MARCHF1: variants seen among roughly 807,000 people sequenced by gnomAD.
MARCHF1 encodes the protein membrane associated ring-CH-type finger 1.
A neutral mutation model predicts 54.2 loss-of-function variants in MARCHF1; 40 were observed. The ratio of observed to expected loss-of-function variants is 0.74; its 90% confidence interval spans 0.57 to 0.96. MARCHF1 has a LOEUF of 0.96. Among genes scored for constraint, MARCHF1 ranks in the 40% least tolerant of loss-of-function variants. The pLI is 0.00. For synonymous variants in MARCHF1, 236 were observed against 236.3 expected (o/e 1.00, Z 0.01); for missense variants, 586 against 656.5 (o/e 0.89, Z 1.17).
intron 1 of MARCHF1, among the ~76,000 whole-genome samples, chr4:164,133,047 T>A (rs1422753519): frequency 6.6e-6 from 1 of 152,192 alleles, no homozygotes; most frequent in Non-Finnish European, 1.5e-5. Context: ...ACACAATTTG[T>A]ACTATAGTTG....
chr4:164,292,586 C>T (rs1000478473), intron 1 of MARCHF1, among the ~76,000 whole-genome samples: 1 of 152,074 alleles, frequency 6.6e-6, no homozygotes, highest in Non-Finnish European at 1.5e-5. Flanking sequence ...ACTGTCATGC[C>T]ACAAGGATTA....
At chr4:163,532,085 T>G (rs1480830940) in intron 9 of MARCHF1, among the ~76,000 whole-genome samples, 1 of 151,890 alleles carries the variant, frequency 6.6e-6, no homozygotes, top group Non-Finnish European at 1.5e-5. Context: ...TTTATGGATA[T>G]TGACAAACTG....
chr4:163,627,755 T>G (rs547338590), intron 5 of MARCHF1, among the ~76,000 whole-genome samples: 2 of 151,746 alleles, frequency 1.3e-5, no homozygotes, highest in Non-Finnish European at 2.9e-5. Context: ...AGTGGGAGAA[T>G]AGAGTGTCTA....
At chr4:164,205,883 G>A (rs1294695444) in intron 1 of MARCHF1, among the ~76,000 whole-genome samples, 1 of 152,090 alleles carries the variant, frequency 6.6e-6, no homozygotes, top group Non-Finnish European at 1.5e-5. Context: ...TTTTCAGAAT[G>A]ATATACGTCA....
intron 1 of MARCHF1, among the ~76,000 whole-genome samples, chr4:164,376,054 A>G (rs1731182297): frequency 6.6e-6 from 1 of 152,150 alleles, no homozygotes; most frequent in African/African-American, 2.4e-5. Flanking sequence ...AATTAATTTC[A>G]CAGAAATAAA....
At chr4:164,333,491 A>G (rs1729629905) in intron 1 of MARCHF1, among the ~76,000 whole-genome samples, 2 of 152,186 alleles carry the variant, frequency 1.3e-5, no homozygotes, top group Admixed American at 6.5e-5. Context: ...ATCTGTGTCT[A>G]GAAATTTTTG....
chr4:163,881,796 A>G (rs1750422569), intron 3 of MARCHF1, among the ~76,000 whole-genome samples: 1 of 152,192 alleles, frequency 6.6e-6, no homozygotes, highest in Admixed American at 6.5e-5. Context: ...AATAACAGTC[A>G]AAGTCATGTA....
In MARCHF1 at chr4:163,570,743, T is replaced by C. The variant is rs561626526; in HGVS notation, c.1191+15006A>G. ...ATTTTAAAAATGGTAAGAGATTAAA[T>C]CTGCGATTTTCACTTCATTTGCAAA... On this transcript the variant is annotated intron_variant, in intron 8 of 9. Coordinates refer to ENST00000514618, the MANE Select transcript of MARCHF1 (RefSeq NM_001394959.1). Among the ~76,000 whole-genome samples the C allele has an allele frequency of 8.5e-5, 13 of 152,236 alleles. No individual in the cohort carries two copies. The South Asian group carries it at 2.7e-3, about 32-fold the overall frequency.
At chr4:164,120,204 G>A (rs776957118) in intron 1 of MARCHF1, among the ~76,000 whole-genome samples, 2 of 151,972 alleles carry the variant, frequency 1.3e-5, no homozygotes, top group Non-Finnish European at 2.9e-5. Flanking sequence ...AGACAAAACA[G>A]ACTTCAAGGC....
chr4:163,826,177 A>G (rs1378276490), intron 4 of MARCHF1, among the ~76,000 whole-genome samples: 1 of 152,038 alleles, frequency 6.6e-6, no homozygotes, highest in East Asian at 1.9e-4. Flanking sequence ...TAATTTACCT[A>G]GTATAATTTA....
chr4:164,204,686 C>G (rs1731556645), intron 1 of MARCHF1, among the ~76,000 whole-genome samples: 1 of 152,142 alleles, frequency 6.6e-6, no homozygotes, highest in Non-Finnish European at 1.5e-5. Flanking sequence ...TGACAGGCAT[C>G]AGGAAGCTGG....
At chr4:164,072,627 C>G (rs1754892354) in intron 2 of MARCHF1, among the ~76,000 whole-genome samples, 1 of 151,240 alleles carries the variant, frequency 6.6e-6, no homozygotes, top group East Asian at 1.9e-4. Flanking sequence ...TTATTTTCCT[C>G]TCCCTAAAAG....
At chr4:164,023,226 C>A (rs1341443592) in intron 2 of MARCHF1, among the ~76,000 whole-genome samples, 1 of 152,146 alleles carries the variant, frequency 6.6e-6, no homozygotes, top group African/African-American at 2.4e-5. Flanking sequence ...CTCTGGAGAG[C>A]CAAGCAATCT....
chr4:163,660,569 A>G (rs1265837917), intron 5 of MARCHF1, among the ~76,000 whole-genome samples: 1 of 150,562 alleles, frequency 6.6e-6, no homozygotes, highest in Non-Finnish European at 1.5e-5. Context: ...TTAAAGTAAA[A>G]CTTAAAAAAA....
At chr4:163,874,107 T>C (rs1579357158) in intron 3 of MARCHF1, among the ~76,000 whole-genome samples, 1 of 152,188 alleles carries the variant, frequency 6.6e-6, no homozygotes, top group Non-Finnish European at 1.5e-5. Context: ...ATAGAGGTAT[T>C]AGTCTAGCAA....
intron 2 of MARCHF1, among the ~76,000 whole-genome samples, chr4:164,010,063 T>A (rs1454990788): frequency 5.1e-4 from 1 of 1,974 alleles, no homozygotes; most frequent in African/African-American, 5.5e-4. Context: ...CAAAAAACTC[T>A]TTTTTTTTTT....
intron 4 of MARCHF1, among the ~76,000 whole-genome samples, chr4:163,807,431 A>G (rs1748258385): frequency 6.6e-6 from 1 of 152,200 alleles, no homozygotes; most frequent in Non-Finnish European, 1.5e-5. Flanking sequence ...TCTTCATCAC[A>G]TTTATTGTCT....
intron 2 of MARCHF1, among the ~76,000 whole-genome samples, chr4:164,068,350 G>A (rs1754776493): frequency 6.6e-6 from 1 of 152,190 alleles, no homozygotes; most frequent in Non-Finnish European, 1.5e-5. Context: ...TTTCTGGGCT[G>A]GCCAAGACCG....
chr4:163,894,661 G>A (rs201352759), intron 3 of MARCHF1, among the ~76,000 whole-genome samples: 144 of 1,282 alleles, frequency 0.11, 14 homozygotes, highest in African/African-American at 0.18. Context: ...GCATATATAT[G>A]CATGTGATGC....
Sources: gnomAD v4.1 joint callset for allele counts (sites outside exome capture counted in the v4.1 genomes callset) on GRCh38, gnomAD v4.1.1 for gene constraint, MANE v1.5 for transcripts, NCBI Gene and HGNC (gene_info 2026-07-23, HGNC 2026-07-21) for gene names.